UBE2Q2: variants seen among roughly 807,000 people sequenced by gnomAD.
The protein encoded by UBE2Q2 is ubiquitin conjugating enzyme E2 Q2, also known as ubiquitin-conjugating enzyme E2 Q2.
In UBE2Q2, 54 loss-of-function variants were observed where a neutral mutation model predicts 59.9. The ratio of observed to expected loss-of-function variants is 0.90; its 90% CI spans 0.72 to 1.13. The LOEUF (loss-of-function observed/expected upper bound fraction) is 1.13, where lower values mean the gene tolerates loss of function less well. UBE2Q2 is among the 50% of genes most tolerant of loss of function. The pLI is 0.00. For synonymous variants in UBE2Q2, 165 were observed against 155.2 expected, an observed-to-expected ratio of 1.06 and a Z score of -0.47; for missense variants, 433 against 441.9, an observed-to-expected ratio of 0.98 and a Z score of 0.18.
chr15:75,882,027 A>G (rs1221981206), intron 8 of UBE2Q2, among the ~76,000 whole-genome samples: 11 of 152,160 alleles, frequency 7.2e-5, no homozygotes, highest in Non-Finnish European at 1.6e-4. Context: ...GTCTTCAGCT[A>G]TTTGAAGGAC....
intron 9 of UBE2Q2, among the ~76,000 whole-genome samples, chr15:75,886,204 A>G (rs928780670): frequency 2.0e-5 from 3 of 151,602 alleles, no homozygotes; most frequent in African/African-American, 7.3e-5. Context: ...ACTGCAACCT[A>G]TGCCTCCCGG....
At chr15:75,845,271 A>G (rs1386703635) in intron 1 of UBE2Q2, among the ~76,000 whole-genome samples, 1 of 152,190 alleles carries the variant, frequency 6.6e-6, no homozygotes, top group Admixed American at 6.5e-5. Flanking sequence ...AGGGCATTTT[A>G]GACTGAGGAA....
At chr15:75,869,151 A>C (rs142030558) in intron 4 of UBE2Q2, 141 bp downstream of exon 4, 16 of 707,598 alleles carry the variant, frequency 2.3e-5, no homozygotes, top group East Asian at 2.1e-4. Flanking sequence ...ATAATTTCCC[A>C]ACTCTGGCTT....
Position 75,859,863 on chromosome 15 carries a change from A to G in UBE2Q2, c.283-15A>G. 1.9e-6 allele frequency: 3 copies of G among 1,571,090 alleles called. No homozygotes were observed. Among genetic ancestry groups the G allele is most frequent in the Non-Finnish European group, 2.6e-6 (3 of 1,160,676 alleles). ...TCTTTAACATAATGCTTATTTACTG[A>G]AATGTGTTTTGTAGCTTCGTCAGCA... is the stretch of plus-strand genomic sequence containing the variant. On this transcript the variant is annotated splice_polypyrimidine_tract_variant and intron_variant, in intron 2 of 12. Coordinates refer to ENST00000267938, the MANE Select transcript of UBE2Q2 (RefSeq NM_173469.4).
chr15:75,879,040 T>C, intron 7 of UBE2Q2, 58 bp from the exon 8 acceptor site: 1 of 1,344,638 alleles, frequency 7.4e-7, no homozygotes, highest in Non-Finnish European at 1.0e-6. Context: ...TTGAGTTTAG[T>C]TAAAAAAAAA....
rs1897406256 is a variant in UBE2Q2, at chr15:75,865,349, G to A, written c.388-3602G>A. Among the ~76,000 whole-genome samples the A allele has an allele frequency of 3.3e-5, 5 of 152,310 alleles. No homozygotes were observed. In the South Asian group the frequency reaches 1.0e-3, roughly 32 times the overall value. On this transcript the variant is annotated intron_variant, in intron 3 of 12. Coordinates refer to ENST00000267938, the MANE Select transcript of UBE2Q2 (RefSeq NM_173469.4). ...TGTGTGTGAAATTTGTTCCTATTGT[G>A]TGTAGCTATAGTTCTTTTGCATTGC... is the stretch of plus-strand genomic sequence containing the variant.
At chr15:75,893,116 T>C (rs1458525725) in intron 11 of UBE2Q2, among the ~76,000 whole-genome samples, 1 of 152,060 alleles carries the variant, frequency 6.6e-6, no homozygotes, top group Non-Finnish European at 1.5e-5. Flanking sequence ...ATAGAAGTTG[T>C]AAAGGTGATA....
chr15:75,898,093 A>G (rs949114602), intron 12 of UBE2Q2, among the ~76,000 whole-genome samples: 3 of 152,178 alleles, frequency 2.0e-5, no homozygotes, highest in African/African-American at 7.2e-5. Context: ...TACTTTATAG[A>G]TCTTGGCATA....
intron 3 of UBE2Q2, 131 bp downstream of exon 3, chr15:75,860,113 TTTTG>T (rs1205715450): frequency 8.4e-6 from 6 of 710,570 alleles, no homozygotes; most frequent in Admixed American, 3.3e-5. Flanking sequence ...TATTGAATTG[TTTTG>T]TTTGTTCTGT....
At chr15:75,889,936 C>T (rs1898999050) in intron 9 of UBE2Q2, among the ~76,000 whole-genome samples, 1 of 152,122 alleles carries the variant, frequency 6.6e-6, no homozygotes, top group South Asian at 2.1e-4. Flanking sequence ...AGAGAAGCTC[C>T]ATGGTCAGAA....
At chr15:75,856,269 GTATATATATATATATATA>G (rs60490503) in intron 2 of UBE2Q2, among the ~76,000 whole-genome samples, 1 of 139,278 alleles carries the variant, frequency 7.2e-6, no homozygotes, top group Non-Finnish European at 1.5e-5. Context: ...GTGTGTGTGT[GTATATATATATATATATA>G]TATATAATGA....
intron 5 of UBE2Q2, 122 bp from the exon 6 acceptor site, chr15:75,876,065 C>CAA (rs33923600): frequency 0.33 from 177,289 of 530,940 alleles, 16,679 homozygotes; most frequent in African/African-American, 0.43. Flanking sequence ...ACTCCATCTC[C>CAA]AAAAAAAAAA....
intron 3 of UBE2Q2, among the ~76,000 whole-genome samples, chr15:75,865,049 C>A (rs1166121163): frequency 1.3e-5 from 2 of 152,272 alleles, no homozygotes; most frequent in African/African-American, 4.8e-5. Flanking sequence ...ATATGTAAAA[C>A]ATAAGCTTAG....
intron 2 of UBE2Q2, among the ~76,000 whole-genome samples, chr15:75,854,933 T>C (rs1045810369): frequency 1.3e-5 from 2 of 152,210 alleles, no homozygotes; most frequent in East Asian, 3.8e-4. Context: ...TAAAGAAATA[T>C]AACTTTCCAT....
chr15:75,878,077 A>G lies in UBE2Q2; in HGVS notation c.734+56A>G. 5.4e-6 allele frequency: 8 copies of G among 1,491,140 alleles called. No homozygotes were observed. The Middle Eastern group carries it at 5.2e-4, about 96-fold the overall frequency. 92.4% of individuals were successfully genotyped at this position (1,491,140 alleles called of 1,614,324 possible). A position where few individuals can be genotyped will look rare whatever the true frequency, so the allele number is the denominator to read the frequency against. On this transcript the variant is annotated intron_variant, in intron 7 of 12. Transcript: ENST00000267938. ...TTGCAATGGTAGACTATCACAGTGG[A>G]GGTTATTTTCCTTCTAACTTGATAC...
At chr15:75,883,143 T>G (rs1898535253) in intron 8 of UBE2Q2, among the ~76,000 whole-genome samples, 1 of 152,206 alleles carries the variant, frequency 6.6e-6, no homozygotes, top group Admixed American at 6.5e-5. Flanking sequence ...CCCCTTCATG[T>G]GTTTCATCAG....
Position 75,854,411 on chromosome 15 carries a change from T to C in UBE2Q2, c.206T>C (p.Ile69Thr), listed in dbSNP as rs747622178. 1.2e-6 allele frequency: 2 copies of C among 1,613,146 alleles called. No homozygotes were observed. The highest frequency in any genetic ancestry group is 3.3e-5 in the Admixed American group (2 of 59,968). Reference sequence around the variant, plus strand: ...GAATCCTATCCATCTTCTTCACCGATATGGTTTGTGGATTCTGAAGACCCA... The same window carrying C: ...GAATCCTATCCATCTTCTTCACCGACATGGTTTGTGGATTCTGAAGACCCA... ...ITESYPSSSP[I>T]WFVDSEDPNL... Residue 69 changes from isoleucine to threonine, a missense_variant, in exon 2 of 13, where the codon ATA becomes ACA. Ile to Thr is a moderately conservative substitution (Grantham distance 89). Transcript: ENST00000267938.
In UBE2Q2 at chr15:75,883,201, A is replaced by T. The variant is rs997930147; in HGVS notation, c.826-165A>T. Among the ~76,000 whole-genome samples the T allele has an allele frequency of 5.9e-5, 9 of 151,546 alleles. No homozygotes were observed. In the East Asian group the frequency reaches 1.7e-3, roughly 29 times the overall value. On this transcript the variant is annotated intron_variant, in intron 8 of 12. Coordinates refer to ENST00000267938, the MANE Select transcript of UBE2Q2 (RefSeq NM_173469.4). ...TGGGCCTGATTTTAACTTCATTTTT[A>T]TTTGCTTTGGTTTTCATTTTGGTTT...
intron 3 of UBE2Q2, among the ~76,000 whole-genome samples, chr15:75,865,030 G>A (rs917206362): frequency 2.6e-5 from 4 of 152,194 alleles, no homozygotes; most frequent in Non-Finnish European, 5.9e-5. Flanking sequence ...GAGATGACAT[G>A]TATTAAAAAT....
Sources: gnomAD v4.1 joint callset for allele counts (sites outside exome capture counted in the v4.1 genomes callset) on GRCh38, gnomAD v4.1.1 for gene constraint, MANE v1.5 for transcripts, NCBI Gene and HGNC (gene_info 2026-07-23, HGNC 2026-07-21) for gene names.